HELZ: variants seen among roughly 807,000 people sequenced by gnomAD.
The protein encoded by HELZ is ATP-dependent RNA helicase with zinc finger domain.
A neutral mutation model predicts 218.2 loss-of-function variants in HELZ; 23 were observed. That is an observed-to-expected ratio of 0.11 (90% CI 0.08 to 0.15). The LOEUF is 0.15. Among genes scored for constraint, HELZ ranks in the 10% least tolerant of loss-of-function variants. The pLI is 1.00. For synonymous variants in HELZ, 814 were observed against 829.4 expected, an observed-to-expected ratio of 0.98 and a Z score of 0.32; for missense variants, 1,813 against 2,353.7, an observed-to-expected ratio of 0.77 and a Z score of 4.75.
At chr17:67,157,724 T>C (rs1337530840) in intron 17 of HELZ, among the ~76,000 whole-genome samples, 1 of 152,218 alleles carries the variant, frequency 6.6e-6, no homozygotes, top group African/African-American at 2.4e-5. Context: ...TTTATTCCTG[T>C]AGTAAATTTA....
chr17:67,155,597 G>GTATGGT (rs1336663691), intron 17 of HELZ, among the ~76,000 whole-genome samples: 9 of 152,166 alleles, frequency 5.9e-5, no homozygotes, highest in Non-Finnish European at 1.0e-4. Context: ...TACACTTTGG[G>GTATGGT]AGGCCGAGGC....
At chr17:67,103,376 A>G (rs1320313258) in intron 31 of HELZ, among the ~76,000 whole-genome samples, 3 of 152,224 alleles carry the variant, frequency 2.0e-5, no homozygotes, top group Non-Finnish European at 4.4e-5. Context: ...TATCTACAAA[A>G]AAATCTGTTA....
At chr17:67,203,106 C>G (rs2143120345) in intron 6 of HELZ, among the ~76,000 whole-genome samples, 1 of 151,548 alleles carries the variant, frequency 6.6e-6, no homozygotes, top group Admixed American at 6.6e-5. Context: ...AGACAACAGA[C>G]TGACACCTTG....
chr17:67,105,112 G>A (rs1410859329), intron 31 of HELZ, among the ~76,000 whole-genome samples: 2 of 152,150 alleles, frequency 1.3e-5, no homozygotes, highest in African/African-American at 2.4e-5. Flanking sequence ...CAGCCTGGGC[G>A]ACTGAGTGCG....
intron 24 of HELZ, among the ~76,000 whole-genome samples, chr17:67,128,056 T>C (rs1186116065): frequency 6.6e-6 from 1 of 152,114 alleles, no homozygotes; most frequent in Non-Finnish European, 1.5e-5. Flanking sequence ...GCTGTCTCTG[T>C]CCAAAATAAC....
chr17:67,186,726 GC>G (rs2039765632), intron 12 of HELZ, among the ~76,000 whole-genome samples: 1 of 152,102 alleles, frequency 6.6e-6, no homozygotes, highest in African/African-American at 2.4e-5. Context: ...TGAGTTATAA[GC>G]CACTAACCTA....
chr17:67,144,571 A>T (rs1422112328), intron 21 of HELZ, among the ~76,000 whole-genome samples: 1 of 152,030 alleles, frequency 6.6e-6, no homozygotes, highest in Non-Finnish European at 1.5e-5. Flanking sequence ...TTCCTGGGAA[A>T]CACACCAGGT....
At chr17:67,235,749 CTTTTTTTTT>C (rs1216322685) in intron 3 of HELZ, among the ~76,000 whole-genome samples, 1 of 78,668 alleles carries the variant, frequency 1.3e-5, no homozygotes, top group Admixed American at 1.7e-4. Flanking sequence ...ACCACACACT[CTTTTTTTTT>C]TTTTTTTTTT....
chr17:67,143,619 A>AC (rs2038403232), intron 21 of HELZ, among the ~76,000 whole-genome samples: 1 of 151,552 alleles, frequency 6.6e-6, no homozygotes, highest in African/African-American at 2.4e-5. Flanking sequence ...AAAAAAACAA[A>AC]GAAAAAAAAA....
intron 23 of HELZ, among the ~76,000 whole-genome samples, chr17:67,135,089 TA>T: frequency 6.6e-6 from 1 of 152,142 alleles, no homozygotes; most frequent in Admixed American, 6.6e-5. Flanking sequence ...CACAAGTGTA[TA>T]AAGAAAGATT....
At chr17:67,186,980 A>C (rs1433520721) in intron 12 of HELZ, among the ~76,000 whole-genome samples, 1 of 152,134 alleles carries the variant, frequency 6.6e-6, no homozygotes, top group Non-Finnish European at 1.5e-5. Flanking sequence ...GTTTTATTGG[A>C]ACACAGTCAC....
intron 21 of HELZ, among the ~76,000 whole-genome samples, chr17:67,141,484 TATTA>T (rs1174950059): frequency 6.6e-6 from 1 of 151,738 alleles, no homozygotes; most frequent in Non-Finnish European, 1.5e-5. Context: ...TATATAGGTA[TATTA>T]TATATAATAG....
At chr17:67,147,177 T>C (rs1305434404) in intron 20 of HELZ, among the ~76,000 whole-genome samples, 1 of 152,218 alleles carries the variant, frequency 6.6e-6, no homozygotes, top group Non-Finnish European at 1.5e-5. Flanking sequence ...ATAGATTATA[T>C]ATTTAGTCAC....
At chr17:67,218,385 TTGAG>T (rs2040661220) in intron 4 of HELZ, among the ~76,000 whole-genome samples, 1 of 152,194 alleles carries the variant, frequency 6.6e-6, no homozygotes, top group Non-Finnish European at 1.5e-5. Context: ...TAAATACTTG[TTGAG>T]TGAGTGCATA....
At chr17:67,228,710 T>C (rs950218226) in intron 3 of HELZ, among the ~76,000 whole-genome samples, 7 of 149,572 alleles carry the variant, frequency 4.7e-5, no homozygotes, top group Non-Finnish European at 8.9e-5. Context: ...ATTGATACAT[T>C]ATTATTATTA....
At chr17:67,217,500 A>G (rs959893820) in intron 4 of HELZ, among the ~76,000 whole-genome samples, 3 of 152,176 alleles carry the variant, frequency 2.0e-5, no homozygotes, top group Admixed American at 6.6e-5. Flanking sequence ...TTTCTGTTAA[A>G]TTAGATCACA....
At chr17:67,123,188 C>G (rs1460510358) in intron 25 of HELZ, 28 bp from the exon 26 acceptor site, 1 of 1,459,036 alleles carries the variant, frequency 6.9e-7, no homozygotes, top group Non-Finnish European at 9.6e-7. Flanking sequence ...AAAGGATGCA[C>G]TCAACAGCTG....
chr17:67,207,289 G>C (rs1305656335), intron 5 of HELZ, among the ~76,000 whole-genome samples: 4 of 142,112 alleles, frequency 2.8e-5, no homozygotes, highest in Non-Finnish European at 1.5e-5. Flanking sequence ...GGCATGATTA[G>C]GCTCACTGCA....
At chr17:67,143,730 GA>G (rs1332054964) in intron 21 of HELZ, among the ~76,000 whole-genome samples, 3 of 151,094 alleles carry the variant, frequency 2.0e-5, no homozygotes, top group Non-Finnish European at 3.0e-5. Flanking sequence ...TCAGAATCAA[GA>G]AAAAAAAGAA....
Sources: allele counts gnomAD v4.1 joint callset (sites outside exome capture counted in the v4.1 genomes callset), GRCh38; gene constraint gnomAD v4.1.1; transcripts MANE v1.5; gene names NCBI Gene and HGNC (gene_info 2026-07-23, HGNC 2026-07-21).